ERBIN: variants seen among roughly 807,000 people sequenced by gnomAD.
ERBIN encodes the protein densin-180-like protein.
Under a neutral mutation model 158.4 loss-of-function variants are expected in ERBIN, and 60 were observed. The observed-to-expected ratio is 0.38, with a 90% CI of 0.31 to 0.47. The LOEUF is 0.47. ERBIN is among the 20% of genes least tolerant of loss of function. ERBIN has a pLI of 0.99. For synonymous variants in ERBIN, 594 were observed against 557.2 expected (o/e 1.07, Z -0.93); for missense variants, 1,610 against 1,648.0 (o/e 0.98, Z 0.40).
intron 14 of ERBIN, among the ~76,000 whole-genome samples, chr5:66,030,546 A>G (rs1756758624): frequency 6.7e-6 from 1 of 148,488 alleles, no homozygotes; most frequent in Non-Finnish European, 1.5e-5. Context: ...GACTAATTCT[A>G]TTAGTACAGT....
At position 66,012,044 on chromosome 5, in the gene ERBIN, T is replaced by C. The variant is rs759406245; in HGVS notation, c.308-5T>C. ...CTTTTAATTTGATCGTTGTTTGTTTTCTAGGAATACAGGAGTTTCCAGAAA... is the reference window on the plus strand; with the variant it reads ...CTTTTAATTTGATCGTTGTTTGTTTCCTAGGAATACAGGAGTTTCCAGAAA... On this transcript the variant is annotated splice_polypyrimidine_tract_variant and splice_region_variant and intron_variant, in intron 4 of 25. Coordinates refer to ENST00000284037, the MANE Select transcript of ERBIN (RefSeq NM_001253697.2). 2 of 1,576,348 alleles carry C rather than the reference T, an allele frequency of 1.3e-6. No individual in the cohort carries two copies. The highest frequency in any genetic ancestry group is 8.7e-7 in the Non-Finnish European group (1 of 1,152,826).
intron 21 of ERBIN, among the ~76,000 whole-genome samples, chr5:66,070,519 TG>T (rs1378111281): frequency 6.6e-6 from 1 of 151,468 alleles, no homozygotes; most frequent in Non-Finnish European, 1.5e-5. Flanking sequence ...ATTTTGTGCT[TG>T]TTTTTTTTTA....
chr5:66,054,437 C>T lies in ERBIN; in HGVS notation c.3119C>T (p.Thr1040Ile), dbSNP rs1179602396. 1 of 1,614,154 alleles carries T rather than the reference C, an allele frequency of 6.2e-7. No individual in the cohort carries two copies. The highest frequency in any genetic ancestry group is 8.5e-7 in the Non-Finnish European group (1 of 1,180,010). ...AATCATAACAATGTTCGAGCTAATA[C>T]TGCATACCATTTACATCAGAGACTT... ...FSNHNNVRAN[T>I]AYHLHQRLGP... The change falls in exon 21 of 26, where the codon ACT becomes ATT. Residue 1040 changes from threonine (T) to isoleucine (I), a missense_variant. Thr to Ile is a moderately conservative substitution (Grantham distance 89, BLOSUM62 -1). Transcript: ENST00000284037.
intron 8 of ERBIN, chr5:66,022,742 C>T (rs1282320371): frequency 6.6e-6 from 1 of 152,256 alleles, no homozygotes; most frequent in African/African-American, 2.4e-5. Context: ...GAAGTTTTTA[C>T]TAGAGGTTTA....
rs190636277 is a variant in ERBIN, at chr5:65,962,934, T to C, written c.-57-25701T>C. On this transcript the variant is annotated intron_variant, in intron 1 of 25. Transcript: ENST00000284037. ...TTGTAATTCTTACAGTGGTTGTTCA[T>C]AGGATATTAACTTTTCCAGTTACCA... 4.6e-5 allele frequency among the ~76,000 whole-genome samples: 7 copies of C among 152,314 alleles called. 1 individual carries two copies. Among genetic ancestry groups the C allele is most frequent in the Admixed American group, 2.0e-4 (3 of 15,306 alleles).
At chr5:65,976,015 A>C (rs994383377) in intron 1 of ERBIN, among the ~76,000 whole-genome samples, 10 of 152,184 alleles carry the variant, frequency 6.6e-5, no homozygotes, top group Non-Finnish European at 1.3e-4. Flanking sequence ...TAATGAATTC[A>C]TGGAGGAAAA....
At chr5:66,060,333 G>C (rs541522136) in intron 21 of ERBIN, among the ~76,000 whole-genome samples, 2 of 152,312 alleles carry the variant, frequency 1.3e-5, no homozygotes, top group South Asian at 4.1e-4. Flanking sequence ...GCGTAGAGGT[G>C]TTTTTAGTTT....
intron 15 of ERBIN, 132 bp downstream of exon 15, chr5:66,038,614 G>A (rs1210265611): frequency 1.0e-5 from 6 of 586,096 alleles, no homozygotes; most frequent in African/African-American, 1.9e-5. Context: ...AGTTTGTTTC[G>A]AAATAATGGA....
intron 19 of ERBIN, among the ~76,000 whole-genome samples, 167 bp downstream of exon 19, chr5:66,048,948 A>G (rs566918290): frequency 1.3e-5 from 2 of 152,100 alleles, no homozygotes; most frequent in East Asian, 3.9e-4. Flanking sequence ...ATTTTTAGGG[A>G]AAGTCCTTGA....
chr5:65,984,788 A>G (rs1013568192), intron 1 of ERBIN: 1 of 152,166 alleles, frequency 6.6e-6, no homozygotes, highest in African/African-American at 2.4e-5. Context: ...TAATCCATGA[A>G]GGTGACCTCG....
Position 66,059,662 on chromosome 5 carries a change from T to C in ERBIN, c.3633+4711T>C, listed in dbSNP as rs1018008421. Among the ~76,000 whole-genome samples, 53 of 152,326 alleles carry C rather than the reference T, an allele frequency of 3.5e-4. 2 individuals are homozygous for C. Among genetic ancestry groups the C allele is most frequent in the African/African-American group, 1.0e-3 (42 of 41,578 alleles). ...CAGTTTTTGTCCATTCAGTATGATATTGGCTGTGGGTTTGTCATAGACAGC... is the reference window on the plus strand; with the variant it reads ...CAGTTTTTGTCCATTCAGTATGATACTGGCTGTGGGTTTGTCATAGACAGC... On this transcript the variant is annotated intron_variant, in intron 21 of 25. Transcript: ENST00000284037.
intron 1 of ERBIN, among the ~76,000 whole-genome samples, chr5:65,974,330 A>T (rs1749622275): frequency 1.3e-5 from 2 of 152,194 alleles, no homozygotes; most frequent in Non-Finnish European, 2.9e-5. Context: ...TGCGTCTAAG[A>T]CTTCTTATTT....
rs1299242385 is a variant in ERBIN, at chr5:66,018,527, T to TAA, written c.534-2795_534-2794insAA. Among the ~76,000 whole-genome samples, 2 of 4,570 alleles carry TAA rather than the reference T, an allele frequency of 4.4e-4. 1 individual carries two copies. Among genetic ancestry groups the TAA allele is most frequent in the Non-Finnish European group, 9.0e-4 (2 of 2,224 alleles). 3.0% of individuals were successfully genotyped at this position (4,570 alleles called of 152,430 possible). A position where few individuals can be genotyped will look rare whatever the true frequency, so the allele number is the denominator to read the frequency against. ...TATATTATATATTATATAATATATA[T>TAA]TATATTATATAATATATATTATATA... On this transcript the variant is annotated intron_variant, in intron 7 of 25. Transcript: ENST00000284037.
chr5:66,051,741 A>G (rs374417884), intron 20 of ERBIN, among the ~76,000 whole-genome samples: 2 of 151,822 alleles, frequency 1.3e-5, no homozygotes, highest in African/African-American at 4.8e-5. Flanking sequence ...AAAAAAGTAC[A>G]AAAGTTGGCC....
intron 1 of ERBIN, among the ~76,000 whole-genome samples, chr5:65,980,816 A>G (rs1431494233): frequency 6.6e-6 from 1 of 152,236 alleles, no homozygotes; most frequent in Non-Finnish European, 1.5e-5. Flanking sequence ...TCCAACATAC[A>G]TGAAATAAAT....
At chr5:66,012,176 T>C (rs370171681) in intron 5 of ERBIN, 49 bp downstream of exon 5, 3 of 1,205,084 alleles carry the variant, frequency 2.5e-6, no homozygotes, top group Admixed American at 4.3e-5. Context: ...AAAACAATTA[T>C]GAAACTAGTA....
In ERBIN at chr5:66,081,105, T is replaced by C. The variant is rs1489265905; in HGVS notation, c.*2575T>C. 6.6e-6 allele frequency: 1 copy of C among 152,002 alleles called. No individual in the cohort carries two copies. The highest frequency in any genetic ancestry group is 1.5e-5 in the Non-Finnish European group (1 of 67,862). 9.4% of individuals were successfully genotyped at this position (152,002 alleles called of 1,614,324 possible). A position where few individuals can be genotyped will look rare whatever the true frequency, so the allele number is the denominator to read the frequency against. ...TACCCATAACTAACTTTAGTAAGTA[T>C]TATATAGCAATTCATCAAAACCACA... On this transcript the variant is annotated 3_prime_UTR_variant, in exon 26 of 26. Coordinates refer to ENST00000284037, the MANE Select transcript of ERBIN (RefSeq NM_001253697.2).
At chr5:66,041,002 G>C (rs1231512777) in intron 15 of ERBIN, among the ~76,000 whole-genome samples, 6 of 151,978 alleles carry the variant, frequency 3.9e-5, no homozygotes, top group Admixed American at 1.3e-4. Flanking sequence ...TTGTAGCTAA[G>C]AAAGCAGGAT....
At position 65,992,770 on chromosome 5, in the gene ERBIN, C is replaced by T. The variant is rs1202543858; in HGVS notation, c.52C>T (p.Arg18Ter). The stretch of plus-strand genomic sequence containing the variant: ...GCGGTTGGTACCATGTCGCTGTCTA[C>T]GAGGGGAAGAGGAGACTGTCACTAC... ...FVRLVPCRCL[R>*]GEEETVTTLD... The change falls in exon 3 of 26, where the codon CGA (arginine) becomes TGA (stop). Residue 18 changes from arginine to a stop codon, truncating the protein, a stop_gained. Coordinates refer to ENST00000284037, the MANE Select transcript of ERBIN (RefSeq NM_001253697.2). LOFTEE classifies it high-confidence loss of function. The T allele has an allele frequency of 1.2e-6, 2 of 1,613,390 alleles. No homozygotes were observed. The highest frequency in any genetic ancestry group is 1.7e-6 in the Non-Finnish European group (2 of 1,179,710).
Sources: allele counts gnomAD v4.1 joint callset (sites outside exome capture counted in the v4.1 genomes callset), GRCh38; gene constraint gnomAD v4.1.1; transcripts MANE v1.5; gene names NCBI Gene and HGNC (gene_info 2026-07-23, HGNC 2026-07-21).